BLTP3B: variants seen among roughly 807,000 people sequenced by gnomAD.
The protein encoded by BLTP3B is bridge-like lipid transfer protein family member 3B.
the BLTP3B span, among the ~76,000 whole-genome samples, chr12:100,090,689 T>G: frequency 2.0e-5 from 3 of 152,068 alleles, no homozygotes; most frequent in African/African-American, 7.2e-5. Context: ...AGAAACAAAG[T>G]GAAATATAGC....
chr12:100,126,903 A>G, the BLTP3B span, among the ~76,000 whole-genome samples: 1 of 152,318 alleles, frequency 6.6e-6, no homozygotes, highest in East Asian at 1.9e-4. Flanking sequence ...TTCAATAGTT[A>G]TTTCAATATA....
At chr12:100,081,727 T>A in the BLTP3B span, among the ~76,000 whole-genome samples, 1 of 152,238 alleles carries the variant, frequency 6.6e-6, no homozygotes, top group African/African-American at 2.4e-5. Flanking sequence ...TGCATCCATG[T>A]TGCTACAAAG....
the BLTP3B span, among the ~76,000 whole-genome samples, chr12:100,129,626 T>C: frequency 6.6e-6 from 1 of 152,180 alleles, no homozygotes; most frequent in Admixed American, 6.5e-5. Flanking sequence ...CTTTAAGACC[T>C]AAAGGAGTTT....
At chr12:100,044,398 T>C in the BLTP3B span, among the ~76,000 whole-genome samples, 4 of 152,204 alleles carry the variant, frequency 2.6e-5, no homozygotes, top group African/African-American at 9.6e-5. Flanking sequence ...TTTTCTGTCA[T>C]TTCATGAGGT....
chr12:100,077,704 A>C, the BLTP3B span, among the ~76,000 whole-genome samples: 1 of 152,272 alleles, frequency 6.6e-6, no homozygotes, highest in Non-Finnish European at 1.5e-5. Flanking sequence ...TCAAAGCCAC[A>C]GACTTATCAA....
At chr12:100,075,674 G>C in the BLTP3B span, among the ~76,000 whole-genome samples, 22 of 152,132 alleles carry the variant, frequency 1.4e-4, no homozygotes, top group African/African-American at 5.3e-4. Flanking sequence ...GTGGGCAAAG[G>C]ACATGAACAC....
the BLTP3B span, among the ~76,000 whole-genome samples, chr12:100,131,016 A>AGAGAGAGG: frequency 2.0e-5 from 3 of 150,810 alleles, no homozygotes; most frequent in Non-Finnish European, 4.4e-5. Flanking sequence ...AGAGAGAGAG[A>AGAGAGAGG]GAGAGAGAGA....
the BLTP3B span, chr12:100,058,000 T>G: frequency 6.5e-7 from 1 of 1,532,350 alleles, no homozygotes; most frequent in Non-Finnish European, 8.7e-7. Context: ...ATAAATTAAT[T>G]TTTAAAAAGG....
At chr12:100,066,629 T>C in the BLTP3B span, among the ~76,000 whole-genome samples, 6 of 136,116 alleles carry the variant, frequency 4.4e-5, no homozygotes, top group Non-Finnish European at 8.1e-5. Context: ...CTGTCTCTAC[T>C]AAAAAAAAAA....
At chr12:100,140,729 A>AAAAAATATATAT in the BLTP3B span, among the ~76,000 whole-genome samples, 3 of 61,486 alleles carry the variant, frequency 4.9e-5, no homozygotes, top group African/African-American at 3.1e-4. Flanking sequence ...AAAAAAAAAA[A>AAAAAATATATAT]ATATATATAT....
the BLTP3B span, among the ~76,000 whole-genome samples, chr12:100,128,169 CT>C: frequency 2.0e-5 from 3 of 152,112 alleles, no homozygotes; most frequent in African/African-American, 7.2e-5. Context: ...TCAAAACAGC[CT>C]CTTTATCAAA....
the BLTP3B span, among the ~76,000 whole-genome samples, chr12:100,096,312 T>C: frequency 6.6e-6 from 1 of 151,894 alleles, no homozygotes; most frequent in South Asian, 2.1e-4. Context: ...GAATATCACC[T>C]AGTACTAGAG....
At chr12:100,057,071 T>C in the BLTP3B span, among the ~76,000 whole-genome samples, 7 of 152,196 alleles carry the variant, frequency 4.6e-5, no homozygotes, top group Admixed American at 2.6e-4. Flanking sequence ...CCATATACTA[T>C]CATATATGTG....
chr12:100,044,221 T>C, the BLTP3B span, among the ~76,000 whole-genome samples: 1 of 152,206 alleles, frequency 6.6e-6, no homozygotes, highest in Non-Finnish European at 1.5e-5. Flanking sequence ...GTAATGAAGC[T>C]ACCATTTTGA....
At chr12:100,037,484 T>C in the BLTP3B span, 3 of 1,473,368 alleles carry the variant, frequency 2.0e-6, no homozygotes, top group Non-Finnish European at 2.7e-6. Context: ...CTTTCTAAAC[T>C]GGCTTTGAAA....
the BLTP3B span, among the ~76,000 whole-genome samples, chr12:100,066,824 C>A: frequency 6.6e-6 from 1 of 151,790 alleles, no homozygotes; most frequent in South Asian, 2.1e-4. Flanking sequence ...AAACTATACT[C>A]TGGAACAAAT....
the BLTP3B span, among the ~76,000 whole-genome samples, chr12:100,110,166 A>G: frequency 6.6e-6 from 1 of 152,318 alleles, no homozygotes; most frequent in East Asian, 1.9e-4. Flanking sequence ...ATTAAATATA[A>G]AGCAACATTA....
the BLTP3B span, among the ~76,000 whole-genome samples, chr12:100,072,273 A>C: frequency 6.6e-6 from 1 of 152,126 alleles, no homozygotes; most frequent in Non-Finnish European, 1.5e-5. Context: ...AAAAAAAAAC[A>C]AAAAACAAAA....
chr12:100,086,284 G>A, the BLTP3B span: 1 of 1,422,568 alleles, frequency 7.0e-7, no homozygotes, highest in Non-Finnish European at 9.3e-7. Context: ...CCTGCTTTAT[G>A]ATAAGGATAA....
Sources: allele counts gnomAD v4.1 joint callset (sites outside exome capture counted in the v4.1 genomes callset), GRCh38; gene constraint gnomAD v4.1.1; transcripts MANE v1.5; gene names NCBI Gene and HGNC (gene_info 2026-07-23, HGNC 2026-07-21).